ITGA9: variants seen among roughly 807,000 people sequenced by gnomAD.
The protein encoded by ITGA9 is integrin subunit alpha 9, also known as integrin alpha-9.
In ITGA9, 56 loss-of-function variants were observed where a neutral mutation model predicts 127.8. That is an observed-to-expected ratio of 0.44 (90% CI 0.35 to 0.55). The LOEUF is 0.55. ITGA9 is among the 20% of genes least tolerant of loss of function. The probability of loss-of-function intolerance (pLI) is 0.00; values close to 1 mark genes in which losing one functional copy is unlikely to be tolerated. For synonymous variants in ITGA9, 508 were observed against 514.5 expected, an observed-to-expected ratio of 0.99 and a Z score of 0.17; for missense variants, 1,196 against 1,347.1, an observed-to-expected ratio of 0.89 and a Z score of 1.76.
At chr3:37,622,948 A>G (rs990361746) in intron 15 of ITGA9, among the ~76,000 whole-genome samples, 3 of 152,172 alleles carry the variant, frequency 2.0e-5, no homozygotes, top group African/African-American at 7.2e-5. Flanking sequence ...ATCTGATTAC[A>G]AATATGTTAT....
intron 3 of ITGA9, among the ~76,000 whole-genome samples, chr3:37,480,613 T>A (rs546123223): frequency 5.9e-5 from 9 of 152,320 alleles, no homozygotes; most frequent in African/African-American, 2.2e-4. Context: ...TTGCTGTATG[T>A]AAGTTTCCAT....
chr3:37,479,480 G>T (rs1698529272), intron 3 of ITGA9, among the ~76,000 whole-genome samples: 1 of 152,200 alleles, frequency 6.6e-6, no homozygotes, highest in Admixed American at 6.5e-5. Context: ...GGCCTTGGTG[G>T]CAGTGGCTTG....
At chr3:37,625,622 A>G (rs1356978053) in intron 15 of ITGA9, among the ~76,000 whole-genome samples, 2 of 152,212 alleles carry the variant, frequency 1.3e-5, no homozygotes, top group African/African-American at 4.8e-5. Context: ...TTTTTTAAGC[A>G]GTAAAATTTC....
chr3:37,743,632 A>G (rs1696464725), intron 21 of ITGA9, among the ~76,000 whole-genome samples: 1 of 152,272 alleles, frequency 6.6e-6, no homozygotes, highest in African/African-American at 2.4e-5. Context: ...GAAAATGTAT[A>G]CTTTTATAAT....
intron 14 of ITGA9, among the ~76,000 whole-genome samples, chr3:37,540,474 GGAC>G (rs1200548714): frequency 2.0e-5 from 3 of 151,700 alleles, no homozygotes; most frequent in Non-Finnish European, 4.4e-5. Flanking sequence ...GCACTTGTTT[GGAC>G]CTGCTATCCA....
chr3:37,488,263 A>C (rs1035275222), intron 4 of ITGA9, among the ~76,000 whole-genome samples: 4 of 151,938 alleles, frequency 2.6e-5, no homozygotes, highest in Non-Finnish European at 4.4e-5. Flanking sequence ...CCAAAATTGA[A>C]TTCTGCTCAG....
intron 1 of ITGA9, among the ~76,000 whole-genome samples, chr3:37,460,505 C>T (rs1250970361): frequency 6.6e-6 from 1 of 152,062 alleles, no homozygotes; most frequent in African/African-American, 2.4e-5. Context: ...CCCATTTACC[C>T]TGCTGTGGTT....
chr3:37,658,550 C>T (rs1700501800), intron 17 of ITGA9, among the ~76,000 whole-genome samples: 7 of 152,168 alleles, frequency 4.6e-5, no homozygotes, highest in Admixed American at 4.6e-4. Context: ...AAATATTCTA[C>T]CATCCCTTTA....
intron 13 of ITGA9, among the ~76,000 whole-genome samples, chr3:37,528,945 C>T (rs1048075666): frequency 6.6e-6 from 1 of 152,218 alleles, no homozygotes; most frequent in Non-Finnish European, 1.5e-5. Context: ...AACCACTGTT[C>T]TGACTTCTAT....
At chr3:37,509,148 C>A (rs1271110237) in intron 8 of ITGA9, among the ~76,000 whole-genome samples, 1 of 152,182 alleles carries the variant, frequency 6.6e-6, no homozygotes, top group Admixed American at 6.5e-5. Flanking sequence ...AACCTTGAAG[C>A]AGAAATAGCT....
intron 15 of ITGA9, among the ~76,000 whole-genome samples, chr3:37,613,363 T>C (rs550714782): frequency 7.9e-5 from 12 of 152,328 alleles, no homozygotes; most frequent in African/African-American, 2.9e-4. Context: ...CAGTCTATCA[T>C]TGTTGGACAT....
intron 15 of ITGA9, among the ~76,000 whole-genome samples, chr3:37,593,243 T>C (rs1285199099): frequency 1.3e-5 from 2 of 152,250 alleles, no homozygotes; most frequent in Non-Finnish European, 2.9e-5. Context: ...AGATTACTTG[T>C]AATACCTACA....
chr3:37,640,838 G>A (rs1395612746), intron 16 of ITGA9, among the ~76,000 whole-genome samples: 1 of 152,174 alleles, frequency 6.6e-6, no homozygotes, highest in East Asian at 1.9e-4. Context: ...GGGTGCCATC[G>A]GCTGCTCTGC....
At chr3:37,692,714 A>T (rs1385919136) in intron 18 of ITGA9, among the ~76,000 whole-genome samples, 1 of 152,060 alleles carries the variant, frequency 6.6e-6, no homozygotes, top group Non-Finnish European at 1.5e-5. Flanking sequence ...AAGATATATA[A>T]TTGTTCAAAT....
At chr3:37,556,823 G>A (rs1036422721) in intron 15 of ITGA9, among the ~76,000 whole-genome samples, 11 of 152,222 alleles carry the variant, frequency 7.2e-5, no homozygotes, top group African/African-American at 1.7e-4. Context: ...CACACTGACC[G>A]TGAGAGCGAG....
At position 37,732,692 on chromosome 3, in the gene ITGA9, G is replaced by C. The variant is rs1328442527; in HGVS notation, c.2068-20G>C. ...TGCCTTTTGTGCAGCCGGCCCATCT[G>C]TTGGTGCTTTTTCTTTCAGGAGGAG... On this transcript the variant is annotated intron_variant, in intron 18 of 27. Coordinates refer to ENST00000264741, the MANE Select transcript of ITGA9 (RefSeq NM_002207.3). The C allele has an allele frequency of 6.3e-7, 1 of 1,592,270 alleles. No homozygotes were observed. The highest frequency in any genetic ancestry group is 8.6e-7 in the Non-Finnish European group (1 of 1,167,758).
chr3:37,567,441 A>G (rs1699558540), intron 15 of ITGA9, among the ~76,000 whole-genome samples: 1 of 152,018 alleles, frequency 6.6e-6, no homozygotes. Flanking sequence ...GCCCCTTCCA[A>G]ATATCATCTC....
chr3:37,791,496 T>A (rs1697109030), intron 26 of ITGA9, among the ~76,000 whole-genome samples: 2 of 152,178 alleles, frequency 1.3e-5, no homozygotes, highest in Non-Finnish European at 2.9e-5. Flanking sequence ...CAGAGGGATC[T>A]GGAAACCTGA....
intron 24 of ITGA9, among the ~76,000 whole-genome samples, chr3:37,779,680 C>T (rs2125551369): frequency 6.6e-6 from 1 of 152,200 alleles, no homozygotes; most frequent in South Asian, 2.1e-4. Context: ...GAGCTGTTTT[C>T]TCCCAGTTGC....
Sources: gnomAD v4.1 joint callset for allele counts (sites outside exome capture counted in the v4.1 genomes callset) on GRCh38, gnomAD v4.1.1 for gene constraint, MANE v1.5 for transcripts, NCBI Gene and HGNC (gene_info 2026-07-23, HGNC 2026-07-21) for gene names.